The following PGBD5 variants were observed in gnomAD, a reference collection of about 807,000 sequenced individuals.
The protein encoded by PGBD5 is piggyBac transposable element derived 5, also known as piggyBac transposable element-derived protein 5.
A neutral mutation model predicts 47.9 loss-of-function variants in PGBD5; 14 were observed. The ratio of observed to expected loss-of-function variants is 0.29; its 90% CI spans 0.19 to 0.46. PGBD5 has a LOEUF of 0.46. PGBD5 is among the 20% of genes least tolerant of loss of function. The pLI, the probability that PGBD5 is intolerant of heterozygous loss-of-function variation, is 1.00. For missense variants in PGBD5, 635 were observed against 716.0 expected, an observed-to-expected ratio of 0.89 and a Z score of 1.29; for synonymous variants, 316 against 306.3, an observed-to-expected ratio of 1.03 and a Z score of -0.33.
At chr1:230,361,234 T>C (rs928410008) in intron 1 of PGBD5, among the ~76,000 whole-genome samples, 8 of 152,076 alleles carry the variant, frequency 5.3e-5, no homozygotes, top group African/African-American at 1.9e-4. Flanking sequence ...TGAAAATGCA[T>C]ATCTACAGTA....
intron 1 of PGBD5, among the ~76,000 whole-genome samples, chr1:230,390,087 T>A (rs573524923): frequency 4.6e-5 from 7 of 152,176 alleles, no homozygotes; most frequent in Non-Finnish European, 8.8e-5. Context: ...GGACCCAAAA[T>A]GTACCAATCA....
chr1:230,402,684 C>T (rs1282103462), intron 1 of PGBD5, among the ~76,000 whole-genome samples: 1 of 152,120 alleles, frequency 6.6e-6, no homozygotes, highest in African/African-American at 2.4e-5. Context: ...GGCTTGCCCT[C>T]GCTATGTTGC....
chr1:230,329,105 C>T (rs1216279610), intron 5 of PGBD5, among the ~76,000 whole-genome samples: 1 of 114,820 alleles, frequency 8.7e-6, no homozygotes, highest in Non-Finnish European at 1.9e-5. Flanking sequence ...CTACGCCATG[C>T]CCAGCTAATT....
chr1:230,367,514 C>T (rs1272064861), intron 1 of PGBD5, among the ~76,000 whole-genome samples: 1 of 152,000 alleles, frequency 6.6e-6, no homozygotes, highest in South Asian at 2.1e-4. Flanking sequence ...CCAGCCTGGA[C>T]AAGATAGTGA....
intron 3 of PGBD5, among the ~76,000 whole-genome samples, chr1:230,349,251 G>A (rs1032565356): frequency 6.6e-5 from 10 of 152,128 alleles, no homozygotes; most frequent in South Asian, 2.1e-4. Flanking sequence ...ACACAGGGCC[G>A]GTATGGTGGC....
chr1:230,383,731 G>T (rs952204264), intron 1 of PGBD5, among the ~76,000 whole-genome samples: 1 of 152,208 alleles, frequency 6.6e-6, no homozygotes, highest in African/African-American at 2.4e-5. Flanking sequence ...GAGAGCAGCA[G>T]AGACAGCACT....
At chr1:230,339,471 T>A (rs559157193) in intron 3 of PGBD5, among the ~76,000 whole-genome samples, 4 of 152,190 alleles carry the variant, frequency 2.6e-5, no homozygotes, top group East Asian at 3.9e-4. Context: ...AAATTAAAAA[T>A]AGAACAACCA....
At chr1:230,369,389 G>C (rs1468207803) in intron 1 of PGBD5, among the ~76,000 whole-genome samples, 1 of 152,242 alleles carries the variant, frequency 6.6e-6, no homozygotes, top group Admixed American at 6.5e-5. Context: ...TCCATGACCA[G>C]GGGCATGGGC....
In PGBD5 at chr1:230,328,722, A is replaced by AT. The variant is rs1667163002; in HGVS notation, c.1274-3308dup. 3.3e-5 allele frequency among the ~76,000 whole-genome samples: 5 copies of AT among 152,154 alleles called. No individual in the cohort carries two copies. In the South Asian group the frequency reaches 1.0e-3, roughly 32 times the overall value. On this transcript the variant is annotated intron_variant, in intron 5 of 6. Transcript: ENST00000391860. Reference sequence around the variant, plus strand: ...CTCGGCTGTTAGTGGCTTGACTGACATTCCTGCTACCTTTCTGCAAATTTA... The same window carrying AT: ...CTCGGCTGTTAGTGGCTTGACTGACATTTCCTGCTACCTTTCTGCAAATTTA...
At position 230,383,516 on chromosome 1, in the gene PGBD5, C is replaced by T. The variant is rs1362199113; in HGVS notation, c.332-26195G>A. ...AATAGCTGGGATTATAGGTGCACCACCAAGCCTGGCTTATTTTAAAATTTT... is the reference window on the plus strand; with the variant it reads ...AATAGCTGGGATTATAGGTGCACCATCAAGCCTGGCTTATTTTAAAATTTT... On this transcript the variant is annotated intron_variant, in intron 1 of 6. Transcript: ENST00000391860. Among the ~76,000 whole-genome samples, 6 of 152,232 alleles carry T rather than the reference C, an allele frequency of 3.9e-5. No homozygotes were observed. In the East Asian group the frequency reaches 1.2e-3, roughly 29 times the overall value.
intron 1 of PGBD5, among the ~76,000 whole-genome samples, chr1:230,387,624 C>T (rs1656676708): frequency 6.6e-6 from 1 of 152,166 alleles, no homozygotes; most frequent in Admixed American, 6.5e-5. Flanking sequence ...CAATACTTTC[C>T]AGCTATTCAG....
In PGBD5 at chr1:230,426,018, C is replaced by G. The variant is rs1558218646; in HGVS notation, c.-90G>C. The G allele has an allele frequency of 1.6e-6, 1 of 621,250 alleles. No homozygotes were observed. Among genetic ancestry groups the G allele is most frequent in the Non-Finnish European group, 2.0e-6 (1 of 500,160 alleles). The allele number at this position is 621,250 out of a possible 1,614,324, so 38.5% of individuals were successfully genotyped here. ...GGCCCGCGCCGCGGCCCGCCGCCCC[C>G]CACCAGCGCAGCCCGCAGCACAGCG... On this transcript the variant is annotated 5_prime_UTR_variant, in exon 1 of 7. Transcript: ENST00000391860.
chr1:230,360,507 T>C (rs2102708690), intron 1 of PGBD5, among the ~76,000 whole-genome samples: 2 of 152,318 alleles, frequency 1.3e-5, no homozygotes, highest in Middle Eastern at 6.8e-3. Context: ...GGGAGGTGAC[T>C]GTATCATGGG....
At chr1:230,341,431 C>T (rs1667406400) in intron 3 of PGBD5, among the ~76,000 whole-genome samples, 1 of 152,168 alleles carries the variant, frequency 6.6e-6, no homozygotes. Context: ...CCTATCCATG[C>T]TCTGTTGCTA....
intron 1 of PGBD5, among the ~76,000 whole-genome samples, chr1:230,381,517 G>A (rs1310040318): frequency 1.3e-5 from 2 of 152,212 alleles, no homozygotes; most frequent in Non-Finnish European, 2.9e-5. Context: ...TCAGAGGCTG[G>A]ACCCTCTGCC....
At chr1:230,326,482 G>A (rs1667119628) in intron 5 of PGBD5, among the ~76,000 whole-genome samples, 1 of 152,114 alleles carries the variant, frequency 6.6e-6, no homozygotes, top group South Asian at 2.1e-4. Flanking sequence ...TTTTAGATAT[G>A]AGGTCTTGCT....
intron 1 of PGBD5, among the ~76,000 whole-genome samples, chr1:230,375,764 T>C (rs1456158699): frequency 1.4e-5 from 2 of 147,948 alleles, no homozygotes; most frequent in African/African-American, 2.5e-5. Context: ...TTCCATCCCC[T>C]AGACACGTAC....
intron 1 of PGBD5, chr1:230,368,289 T>G: frequency 2.6e-6 from 3 of 1,164,368 alleles, no homozygotes; most frequent in Non-Finnish European, 3.3e-6. Context: ...TGAGGCCAAG[T>G]GGCCCCTCCC....
intron 3 of PGBD5, among the ~76,000 whole-genome samples, chr1:230,349,783 A>G (rs568593973): frequency 2.0e-3 from 311 of 152,338 alleles, no homozygotes; most frequent in Admixed American, 3.3e-3. Context: ...GTGAGGGGAC[A>G]AGGAGCTGAG....
Sources: gnomAD v4.1 joint callset for allele counts (sites outside exome capture counted in the v4.1 genomes callset) on GRCh38, gnomAD v4.1.1 for gene constraint, MANE v1.5 for transcripts, NCBI Gene and HGNC (gene_info 2026-07-23, HGNC 2026-07-21) for gene names.